Variants in DCAF8L2 observed in about 807,000 individuals in gnomAD.
The protein encoded by DCAF8L2 is DDB1- and CUL4-associated factor 8-like protein 2.
For missense variants in DCAF8L2, 430 were observed against 490.7 expected (o/e 0.88, Z 1.17); for synonymous variants, 200 against 190.9 (o/e 1.05, Z -0.39).
At chrX:27,547,871 T>TCTC in the DCAF8L2 span, among the ~76,000 whole-genome samples, 279 of 19,046 alleles carry the variant, frequency 0.015, 1 homozygote, top group Middle Eastern at 0.025. Context: ...CTCTCTCTCT[T>TCTC]TCTCTCTCTC....
At chrX:27,623,066 CAA>C (rs1191359983) in intron 1 of DCAF8L2, among the ~76,000 whole-genome samples, 3 of 111,971 alleles carry the variant, frequency 2.7e-5, no homozygotes, top group Non-Finnish European at 5.6e-5. Flanking sequence ...TTGCTGGTGA[CAA>C]GAGATAGACT....
the DCAF8L2 span, among the ~76,000 whole-genome samples, chrX:27,532,422 T>G: frequency 8.9e-6 from 1 of 111,846 alleles, no homozygotes; most frequent in African/African-American, 3.3e-5. Flanking sequence ...GTGATAGCAG[T>G]GAATTATAAA....
intron 3 of DCAF8L2, among the ~76,000 whole-genome samples, chrX:27,698,163 AT>A (rs1366567421): frequency 2.7e-5 from 3 of 111,403 alleles, no homozygotes; most frequent in East Asian, 2.8e-4. Flanking sequence ...GCTTATCTTG[AT>A]TTTTTTCCTT....
the DCAF8L2 span, among the ~76,000 whole-genome samples, chrX:27,565,544 CAG>C: frequency 9.0e-6 from 1 of 111,672 alleles, no homozygotes; most frequent in Non-Finnish European, 1.9e-5. Flanking sequence ...ATTTTTATGA[CAG>C]AGTGATGTTG....
At chrX:27,657,167 TTAA>T (rs1207698525) in intron 2 of DCAF8L2, among the ~76,000 whole-genome samples, 1 of 111,398 alleles carries the variant, frequency 9.0e-6, no homozygotes, top group Non-Finnish European at 1.9e-5. Flanking sequence ...GAGTTAATAC[TTAA>T]TAACCTCCCC....
chrX:27,555,174 T>G, the DCAF8L2 span, among the ~76,000 whole-genome samples: 1 of 111,845 alleles, frequency 8.9e-6, no homozygotes, highest in African/African-American at 3.3e-5. Context: ...GAATAAAATA[T>G]AAGTGTCCAG....
At chrX:27,513,958 G>C in the DCAF8L2 span, among the ~76,000 whole-genome samples, 7 of 111,736 alleles carry the variant, frequency 6.3e-5, no homozygotes, top group African/African-American at 2.3e-4. Context: ...GTTCCTCAAA[G>C]AATTAAAAAT....
intron 1 of DCAF8L2, among the ~76,000 whole-genome samples, chrX:27,622,959 T>C (rs922713208): frequency 1.1e-4 from 12 of 111,993 alleles, no homozygotes; most frequent in Non-Finnish European, 1.7e-4. Context: ...TTAATTAAAA[T>C]GCAAAGTAGT....
intron 1 of DCAF8L2, among the ~76,000 whole-genome samples, chrX:27,609,485 C>T (rs899045044): frequency 9.0e-6 from 1 of 111,045 alleles, no homozygotes; most frequent in African/African-American, 3.3e-5. Flanking sequence ...TATAAAACAG[C>T]TAGTATAAAA....
chrX:27,613,847 G>T lies in DCAF8L2; in HGVS notation c.-341-18032G>T, dbSNP rs750275731. ...AGCTTTTTGATGTGTTGCTGGATTC[G>T]GTTTGCCAGTATTTTATTGAGGATG... On this transcript the variant is annotated intron_variant, in intron 1 of 4. Coordinates refer to ENST00000451261, the MANE Select transcript of DCAF8L2 (RefSeq NM_001353450.2). Among the ~76,000 whole-genome samples, 4 of 111,033 alleles carry T rather than the reference G, an allele frequency of 3.6e-5. No individual in the cohort carries two copies. In the South Asian group the frequency reaches 1.6e-3, roughly 43 times the overall value.
At chrX:27,558,946 G>A in the DCAF8L2 span, among the ~76,000 whole-genome samples, 2 of 110,565 alleles carry the variant, frequency 1.8e-5, no homozygotes, top group African/African-American at 6.6e-5. Flanking sequence ...ATATGGTTTG[G>A]CTCTGTGTCC....
the DCAF8L2 span, among the ~76,000 whole-genome samples, chrX:27,530,348 C>T: frequency 2.7e-5 from 3 of 109,846 alleles, no homozygotes; most frequent in Non-Finnish European, 5.7e-5. Flanking sequence ...CTGTATACTC[C>T]CCCCCCAAAC....
rs1277845939 is a variant in DCAF8L2, at chrX:27,710,454, T to C, written c.-142-5634T>C. ...TTTTTCTTAATTTATTTAAATATTCTCTAATCTGTTTGTCAGTGTTCTCTA... is the reference window on the plus strand; with the variant it reads ...TTTTTCTTAATTTATTTAAATATTCCCTAATCTGTTTGTCAGTGTTCTCTA... On this transcript the variant is annotated intron_variant, in intron 3 of 4. Coordinates refer to ENST00000451261, the MANE Select transcript of DCAF8L2 (RefSeq NM_001353450.2). Among the ~76,000 whole-genome samples, 3 of 111,886 alleles carry C rather than the reference T, an allele frequency of 2.7e-5. No individual in the cohort carries two copies. The Admixed American group carries it at 2.9e-4, about 11-fold the overall frequency.
At chrX:27,614,814 G>A (rs1927377927) in intron 1 of DCAF8L2, among the ~76,000 whole-genome samples, 1 of 111,608 alleles carries the variant, frequency 9.0e-6, no homozygotes, top group African/African-American at 3.3e-5. Context: ...TGTGGTCTGA[G>A]AGACAGTTTG....
the DCAF8L2 span, among the ~76,000 whole-genome samples, chrX:27,505,741 C>A: frequency 0.024 from 2,591 of 110,144 alleles, 85 homozygotes; most frequent in African/African-American, 0.081. Context: ...TTCCTTCCAT[C>A]TTGCTGGAAC....
intron 2 of DCAF8L2, among the ~76,000 whole-genome samples, chrX:27,667,031 T>A (rs1602714563): frequency 9.1e-6 from 1 of 110,253 alleles, no homozygotes; most frequent in South Asian, 3.9e-4. Context: ...AGCTTCCTAA[T>A]GATACTTTCA....
At chrX:27,678,871 T>C (rs1011297965) in intron 3 of DCAF8L2, among the ~76,000 whole-genome samples, 1 of 112,082 alleles carries the variant, frequency 8.9e-6, no homozygotes, top group Admixed American at 9.5e-5. Flanking sequence ...GAAAAATGTA[T>C]GTAGATCTGG....
At chrX:27,519,054 T>C in the DCAF8L2 span, 18 of 1,031,780 alleles carry the variant, frequency 1.7e-5, no homozygotes, top group Non-Finnish European at 2.7e-6. Context: ...CTGATACTAT[T>C]GAAGTACAAC....
chrX:27,631,513 T>G (rs1015046274), intron 1 of DCAF8L2, among the ~76,000 whole-genome samples: 7 of 112,678 alleles, frequency 6.2e-5, no homozygotes, highest in African/African-American at 2.3e-4. Flanking sequence ...AATATGGCTA[T>G]TTTGACTGCG....
Sources: allele counts gnomAD v4.1 joint callset (sites outside exome capture counted in the v4.1 genomes callset), GRCh38; gene constraint gnomAD v4.1.1; transcripts MANE v1.5; gene names NCBI Gene and HGNC (gene_info 2026-07-23, HGNC 2026-07-21).